Variants in SESTD1 observed in about 807,000 individuals in gnomAD.
SESTD1 encodes the protein SEC14 and spectrin domain containing 1, also known as SEC14 domain and spectrin repeat-containing protein 1.
SESTD1 carries 43 observed loss-of-function variants against 101.7 expected under a neutral mutation model. That is an observed-to-expected ratio of 0.42 (90% CI 0.33 to 0.55). The LOEUF (loss-of-function observed/expected upper bound fraction) is 0.55, where lower values mean the gene tolerates loss of function less well. Among genes scored for constraint, SESTD1 ranks in the 20% least tolerant of loss-of-function variants. The pLI, the probability that SESTD1 is intolerant of heterozygous loss-of-function variation, is 0.07. For missense variants in SESTD1, 647 were observed against 815.1 expected, an observed-to-expected ratio of 0.79 and a Z score of 2.51; for synonymous variants, 283 against 286.8, an observed-to-expected ratio of 0.99 and a Z score of 0.13.
chr2:179,259,009 A>C (rs1372030129), intron 1 of SESTD1, among the ~76,000 whole-genome samples: 1 of 152,190 alleles, frequency 6.6e-6, no homozygotes, highest in Non-Finnish European at 1.5e-5. Context: ...TTCCCTGTAC[A>C]TAGGGGCATG....
chr2:179,154,568 T>A (rs956812952), intron 5 of SESTD1, among the ~76,000 whole-genome samples: 1 of 152,034 alleles, frequency 6.6e-6, no homozygotes, highest in African/African-American at 2.4e-5. Flanking sequence ...AAGGAACACA[T>A]CACCACCTGT....
chr2:179,116,868 T>A (rs1241734130), intron 14 of SESTD1, 78 bp from the exon 15 acceptor site: 2 of 1,525,164 alleles, frequency 1.3e-6, no homozygotes, highest in Non-Finnish European at 1.8e-6. Flanking sequence ...TATACAGAGA[T>A]TACTATCATG....
intron 7 of SESTD1, among the ~76,000 whole-genome samples, chr2:179,147,357 G>GTT: frequency 7.0e-6 from 1 of 142,276 alleles, no homozygotes; most frequent in East Asian, 2.0e-4. Flanking sequence ...AGATATGTTT[G>GTT]TTTTTTTGTT....
At chr2:179,199,864 C>G (rs904215922) in intron 1 of SESTD1, among the ~76,000 whole-genome samples, 1 of 152,136 alleles carries the variant, frequency 6.6e-6, no homozygotes, top group Non-Finnish European at 1.5e-5. Context: ...AAAACTGGCA[C>G]AAGACAGAGA....
chr2:179,228,913 C>T (rs7608745), intron 1 of SESTD1, among the ~76,000 whole-genome samples: 1 of 151,816 alleles, frequency 6.6e-6, no homozygotes, highest in South Asian at 2.1e-4. Context: ...TTTGCAAACA[C>T]AAAGTGGGGG....
At chr2:179,248,558 C>A (rs2047266857) in intron 1 of SESTD1, among the ~76,000 whole-genome samples, 1 of 151,442 alleles carries the variant, frequency 6.6e-6, no homozygotes, top group South Asian at 2.1e-4. Context: ...GCAGGGATGG[C>A]AAGTTGATTG....
Position 179,109,780 on chromosome 2 carries a change from G to T in SESTD1, c.*119C>A. The T allele has an allele frequency of 7.7e-7, 1 of 1,301,186 alleles. No homozygotes were observed. The highest frequency in any genetic ancestry group is 1.1e-6 in the Non-Finnish European group (1 of 948,174). The allele number at this position is 1,301,186 out of a possible 1,614,324, so 80.6% of individuals were successfully genotyped here. A position where few individuals can be genotyped will look rare whatever the true frequency, so the allele number is the denominator to read the frequency against. Reference sequence around the variant, plus strand: ...TAACATGTAAAGAGAAATGTGTCATGAAAAGAAATGAGACTTATTTTGGCT... The same window carrying T: ...TAACATGTAAAGAGAAATGTGTCATTAAAAGAAATGAGACTTATTTTGGCT... On this transcript the variant is annotated 3_prime_UTR_variant, in exon 18 of 18. Transcript: ENST00000428443.
At chr2:179,172,709 A>G (rs918686485) in intron 4 of SESTD1, among the ~76,000 whole-genome samples, 2 of 152,222 alleles carry the variant, frequency 1.3e-5, no homozygotes, top group African/African-American at 4.8e-5. Flanking sequence ...ATTAACTTGA[A>G]GAAGAGGACA....
In SESTD1 at chr2:179,212,419, T is replaced by A. The variant is rs540354534; in HGVS notation, c.-25-20553A>T. Among the ~76,000 whole-genome samples, 13 of 136,350 alleles carry A rather than the reference T, an allele frequency of 9.5e-5. 3 individuals carry two copies. The highest frequency in any genetic ancestry group is 2.8e-4 in the Admixed American group (4 of 14,086). The allele number at this position is 136,350 out of a possible 152,430, so 89.5% of individuals were successfully genotyped here. A position where few individuals can be genotyped will look rare whatever the true frequency, so the allele number is the denominator to read the frequency against. ...CTAGCGCAGCAATCTGAGATCAAACTGTGAGGCAGCAGCCTGGCTGGGGGA... is the reference window on the plus strand; with the variant it reads ...CTAGCGCAGCAATCTGAGATCAAACAGTGAGGCAGCAGCCTGGCTGGGGGA... On this transcript the variant is annotated intron_variant, in intron 1 of 17. Transcript: ENST00000428443.
chr2:179,160,481 T>A (rs956675073), intron 5 of SESTD1, among the ~76,000 whole-genome samples: 12 of 151,620 alleles, frequency 7.9e-5, no homozygotes, highest in African/African-American at 2.9e-4. Flanking sequence ...TATTAGATTA[T>A]ATTAATTTAA....
intron 1 of SESTD1, among the ~76,000 whole-genome samples, chr2:179,217,450 G>A (rs745618131): frequency 2.0e-5 from 3 of 152,180 alleles, no homozygotes; most frequent in Non-Finnish European, 4.4e-5. Context: ...ACGCCAGTTA[G>A]AATGGCGATT....
At chr2:179,133,825 A>G (rs1043848575) in intron 9 of SESTD1, among the ~76,000 whole-genome samples, 9 of 152,208 alleles carry the variant, frequency 5.9e-5, no homozygotes, top group Admixed American at 1.3e-4. Flanking sequence ...GAAAAATCAC[A>G]TAAGCGCTCA....
intron 1 of SESTD1, among the ~76,000 whole-genome samples, chr2:179,223,789 T>G (rs9288025): frequency 6.6e-6 from 1 of 152,002 alleles, no homozygotes; most frequent in African/African-American, 2.4e-5. Flanking sequence ...GTTGATAACA[T>G]TTATGTTCAT....
chr2:179,118,409 A>G (rs1211728393), intron 13 of SESTD1, among the ~76,000 whole-genome samples: 2 of 152,214 alleles, frequency 1.3e-5, no homozygotes, highest in African/African-American at 4.8e-5. Context: ...CATTTCCATG[A>G]AATTCTGCGT....
chr2:179,177,925 C>T (rs1430417637), intron 3 of SESTD1, among the ~76,000 whole-genome samples: 1 of 152,122 alleles, frequency 6.6e-6, no homozygotes, highest in Admixed American at 6.5e-5. Flanking sequence ...AAACATTATG[C>T]TAAGTAAAAC....
At chr2:179,251,794 G>A (rs905596368) in intron 1 of SESTD1, among the ~76,000 whole-genome samples, 3 of 152,076 alleles carry the variant, frequency 2.0e-5, no homozygotes, top group Admixed American at 6.5e-5. Context: ...TGAAGACACA[G>A]CAAGAAGATG....
At chr2:179,131,143 C>T (rs2045004913) in intron 10 of SESTD1, among the ~76,000 whole-genome samples, 1 of 152,026 alleles carries the variant, frequency 6.6e-6, no homozygotes, top group Non-Finnish European at 1.5e-5. Flanking sequence ...ATTACAACTG[C>T]TTTAGGGTAT....
chr2:179,175,964 T>C (rs78129581), intron 4 of SESTD1, among the ~76,000 whole-genome samples: 8,476 of 152,222 alleles, frequency 0.056, 300 homozygotes, highest in South Asian at 0.091. Flanking sequence ...ATAAATAAGA[T>C]CATCGTGAAT....
intron 5 of SESTD1, among the ~76,000 whole-genome samples, chr2:179,156,172 GT>G (rs1269988181): frequency 9.2e-5 from 14 of 151,726 alleles, no homozygotes; most frequent in East Asian, 1.9e-4. Flanking sequence ...GTATATGTGT[GT>G]GTATATATAC....
Sources: gnomAD v4.1 joint callset for allele counts (sites outside exome capture counted in the v4.1 genomes callset) on GRCh38, gnomAD v4.1.1 for gene constraint, MANE v1.5 for transcripts, NCBI Gene and HGNC (gene_info 2026-07-23, HGNC 2026-07-21) for gene names.